Variants in WBP11 observed in about 807,000 individuals in gnomAD.
WBP11 encodes WW domain binding protein 11.
Under a neutral mutation model 66.7 loss-of-function variants are expected in WBP11, and 12 were observed. The observed-to-expected ratio is 0.18, with a 90% CI of 0.12 to 0.29. The LOEUF is 0.29. WBP11 is among the 10% of genes least tolerant of loss of function. WBP11 has a pLI of 1.00. For missense variants in WBP11, 555 were observed against 818.3 expected, an observed-to-expected ratio of 0.68 and a Z score of 3.93; for synonymous variants, 255 against 273.8, an observed-to-expected ratio of 0.93 and a Z score of 0.68.
chr12:14,789,509 C>T lies in WBP11; in HGVS notation c.1310-376G>A, dbSNP rs562278594. 3.2e-3 allele frequency among the ~76,000 whole-genome samples: 492 copies of T among 152,074 alleles called. 2 individuals carry two copies. Among genetic ancestry groups the T allele is most frequent in the Non-Finnish European group, 5.2e-3 (356 of 67,990 alleles). ...CTGAGGCAGGAGAATGGTGTGAACC[C>T]GGGAGGCGGAGCTTGTAGTGAGCTG... On this transcript the variant is annotated intron_variant, in intron 10 of 11. Coordinates refer to ENST00000261167, the MANE Select transcript of WBP11 (RefSeq NM_016312.3).
chr12:14,791,802 C>T (rs915492367), intron 8 of WBP11, among the ~76,000 whole-genome samples: 1 of 152,198 alleles, frequency 6.6e-6, no homozygotes, highest in African/African-American at 2.4e-5. Context: ...GAATACTACT[C>T]AGCCATAAAA....
At position 14,787,176 on chromosome 12, in the gene WBP11, A is replaced by G. The variant is rs770676179; in HGVS notation, c.1815T>C (p.Ala605=). 1.2e-6 allele frequency: 2 copies of G among 1,613,924 alleles called. No homozygotes were observed. Among genetic ancestry groups the G allele is most frequent in the Admixed American group, 3.3e-5 (2 of 60,028 alleles). The stretch of plus-strand genomic sequence containing the variant: ...TGGGTGCTGCTTTGGCAAGAGGCAC[A>G]GCAGAATCATCCTCTGACTTTCTTT... ...APQRKSEDDS[A]VPLAKAAPKS... is the part of the protein sequence containing the mutation. Residue 605 remains alanine, a synonymous_variant, in exon 12 of 12, where the codon GCT becomes GCC. Coordinates refer to ENST00000261167, the MANE Select transcript of WBP11 (RefSeq NM_016312.3).
At chr12:14,794,825 C>T in intron 6 of WBP11, 89 bp from the exon 7 acceptor site, 3 of 1,539,190 alleles carry the variant, frequency 1.9e-6, no homozygotes, top group Non-Finnish European at 2.6e-6. Flanking sequence ...AAACAATTTT[C>T]AAGGGATTTC....
At chr12:14,795,167 T>C (rs904687281) in intron 5 of WBP11, 63 bp from the exon 6 acceptor site, 28 of 1,465,198 alleles carry the variant, frequency 1.9e-5, no homozygotes, top group Admixed American at 2.7e-5. Flanking sequence ...ACACTAAAAA[T>C]GACAAGTCAG....
chr12:14,791,854 G>A (rs1336307202), intron 8 of WBP11, among the ~76,000 whole-genome samples: 1 of 152,190 alleles, frequency 6.6e-6, no homozygotes, highest in African/African-American at 2.4e-5. Flanking sequence ...GGATGAAGTT[G>A]GAGGCAATTA....
At position 14,785,674 on chromosome 12, in the gene WBP11, C is replaced by T. The variant is rs1285233330; in HGVS notation, c.*1391G>A. The T allele has an allele frequency of 6.6e-6, 1 of 152,064 alleles. No individual in the cohort carries two copies. The highest frequency in any genetic ancestry group is 1.5e-5 in the Non-Finnish European group (1 of 68,008). 9.4% of individuals were successfully genotyped at this position (152,064 alleles called of 1,614,324 possible). A position where few individuals can be genotyped will look rare whatever the true frequency, so the allele number is the denominator to read the frequency against. ...CAACTCAACTCTAAGAAAATAAATG[C>T]CTTATTGTATTATTGCACTACATTT... On this transcript the variant is annotated 3_prime_UTR_variant, in exon 12 of 12. Coordinates refer to ENST00000261167, the MANE Select transcript of WBP11 (RefSeq NM_016312.3).
rs757116979 is a variant in WBP11 at position 14,796,045 on chromosome 12, C to A, written c.387+762G>T. On this transcript the variant is annotated intron_variant, in intron 5 of 11. Transcript: ENST00000261167. The surrounding 1 kb of genome is among the most constrained non-coding windows in gnomAD (Gnocchi z 4.5). ...TTCCCAATCCATCTCTAATATCATC[C>A]CCCAAGGCAACCACGGCTACATTTT... is the stretch of plus-strand genomic sequence containing the variant. Among the ~76,000 whole-genome samples the A allele has an allele frequency of 2.6e-5, 4 of 152,146 alleles. No individual in the cohort carries two copies. Among genetic ancestry groups the A allele is most frequent in the Non-Finnish European group, 5.9e-5 (4 of 68,030 alleles).
chr12:14,794,467 G>A, intron 7 of WBP11, 70 bp downstream of exon 7: 1 of 1,552,466 alleles, frequency 6.4e-7, no homozygotes, highest in South Asian at 1.1e-5. Context: ...TGAGGGTGGT[G>A]AACAATATGT....
intron 1 of WBP11, 83 bp from the exon 2 acceptor site, chr12:14,801,511 A>C: frequency 2.3e-6 from 2 of 880,066 alleles, no homozygotes; most frequent in Non-Finnish European, 3.5e-6. Context: ...TCTCTGAAAA[A>C]AAATTCCTTT....
rs141284774 is a variant in WBP11, at chr12:14,787,128, G to A, written c.1863C>T (p.Val621=). 6.2e-7 allele frequency: 1 copy of A among 1,613,682 alleles called. No homozygotes were observed. Among genetic ancestry groups the A allele is most frequent in the Non-Finnish European group, 8.5e-7 (1 of 1,179,950 alleles). Residue 621 remains valine (V), a synonymous_variant, in exon 12 of 12, where the codon GTC becomes GTT. Transcript: ENST00000261167. ...AAPKSGPSVP[V]SVQTKDDVYE... The stretch of plus-strand genomic sequence containing the variant: ...AGACATCATCCTTAGTTTGTACTGA[G>A]ACAGGAACAGAAGGACCAGATTTGG...
intron 4 of WBP11, among the ~76,000 whole-genome samples, chr12:14,799,244 T>C (rs1046933126): frequency 6.6e-6 from 1 of 152,148 alleles, no homozygotes; most frequent in African/African-American, 2.4e-5. Flanking sequence ...AAATTGGAAA[T>C]TGCCTTATAT....
chr12:14,794,218 T>C (rs896199449), intron 7 of WBP11, among the ~76,000 whole-genome samples: 4 of 152,158 alleles, frequency 2.6e-5, no homozygotes, highest in Admixed American at 6.5e-5. Context: ...ACATACACAG[T>C]CAGTGAATGT....
intron 6 of WBP11, 24 bp from the exon 7 acceptor site, chr12:14,794,760 A>G (rs1949870883): frequency 6.5e-7 from 1 of 1,532,228 alleles, no homozygotes; most frequent in African/African-American, 1.4e-5. Flanking sequence ...AAACAAAAAC[A>G]AAAAAACCCC....
intron 1 of WBP11, among the ~76,000 whole-genome samples, chr12:14,802,413 G>A (rs1949976379): frequency 6.6e-6 from 1 of 152,252 alleles, no homozygotes; most frequent in South Asian, 2.1e-4. Context: ...CAACTGCCCC[G>A]AAAGCCAGAT....
In WBP11 at chr12:14,786,420, CT is replaced by C. The variant is rs1313307234; in HGVS notation, c.*644del. Reference sequence around the variant, plus strand: ...AAAGACCCAAGTTTTAAATATTTAACTTTTTCTGTCCATAAAATAGGTATTA... The same window carrying C: ...AAAGACCCAAGTTTTAAATATTTAACTTTTCTGTCCATAAAATAGGTATTA... On this transcript the variant is annotated 3_prime_UTR_variant, in exon 12 of 12. Coordinates refer to ENST00000261167, the MANE Select transcript of WBP11 (RefSeq NM_016312.3). 2.0e-5 allele frequency: 3 copies of C among 152,146 alleles called. No individual in the cohort carries two copies. The highest frequency in any genetic ancestry group is 7.2e-5 in the African/African-American group (3 of 41,430). The allele number at this position is 152,146 out of a possible 1,614,324, so 9.4% of individuals were successfully genotyped here. A position where few individuals can be genotyped will look rare whatever the true frequency, so the allele number is the denominator to read the frequency against.
At position 14,803,437 on chromosome 12, in the gene WBP11, C is replaced by T. The variant is rs1033197202; in HGVS notation, c.-131G>A. On this transcript the variant is annotated 5_prime_UTR_variant, in exon 1 of 12. Transcript: ENST00000261167. ...ACTTCGTAAAGGCCTTCAACTGGGT[C>T]TCTCGGTCAACCCCTCAGCTACCGC... The T allele has an allele frequency of 1.0e-5, 4 of 398,796 alleles. No homozygotes were observed. In the East Asian group the frequency reaches 1.1e-4, roughly 11 times the overall value. 24.7% of individuals were successfully genotyped at this position (398,796 alleles called of 1,614,324 possible).
intron 4 of WBP11, among the ~76,000 whole-genome samples, chr12:14,799,060 CAAAGCAGCGATACTT>C (rs1275749282): frequency 6.6e-6 from 1 of 152,042 alleles, no homozygotes; most frequent in Non-Finnish European, 1.5e-5. Flanking sequence ...CCAGTTATAA[CAAAGCAGCGATACTT>C]AAAATGCATA....
chr12:14,787,454 G>C lies in WBP11; in HGVS notation c.1537C>G (p.Pro513Ala). ...CCAGGGGGGGCAGGTCCAAGGGGAG[G>C]CACCAAAGGTGGGCGCATCATGCCA... is the stretch of plus-strand genomic sequence containing the variant. The part of the protein sequence containing the change: ...RPGMMRPPLV[P>A]PLGPAPPGLF... The change falls in exon 12 of 12, where the codon CCT becomes GCT. Residue 513 changes from proline (P) to alanine (A), a missense_variant. This residue lies in a region of WBP11 where 230 missense variants were observed against 286.3 expected (regional missense o/e 0.80). Coordinates refer to ENST00000261167, the MANE Select transcript of WBP11 (RefSeq NM_016312.3). 1 of 1,525,192 alleles carries C rather than the reference G, an allele frequency of 6.6e-7. No homozygotes were observed. The highest frequency in any genetic ancestry group is 8.8e-7 in the Non-Finnish European group (1 of 1,136,140). The allele number at this position is 1,525,192 out of a possible 1,614,324, so 94.5% of individuals were successfully genotyped here.
At position 14,790,683 on chromosome 12, in the gene WBP11, G is replaced by A. The variant is rs755926612; in HGVS notation, c.1082C>T (p.Ser361Phe). ...TTGCTTTTCTGCTTCAGAGTCATCA[G>A]AATCATCTTCATCATCGTCCTCTGA... ...EFSEDDDEDD[S>F]DDSEAEKQSQ... is the part of the protein sequence containing the mutation. Residue 361 changes from serine to phenylalanine, a missense_variant, in exon 10 of 12, where the codon TCT becomes TTT. Physicochemically the swap from Ser to Phe is radical, Grantham distance 155 (BLOSUM62 -2). Coordinates refer to ENST00000261167, the MANE Select transcript of WBP11 (RefSeq NM_016312.3). The A allele has an allele frequency of 1.2e-6, 2 of 1,614,192 alleles. No individual in the cohort carries two copies. Among genetic ancestry groups the A allele is most frequent in the Non-Finnish European group, 1.7e-6 (2 of 1,180,032 alleles).
Sources: allele counts gnomAD v4.1 joint callset (sites outside exome capture counted in the v4.1 genomes callset), GRCh38; gene constraint gnomAD v4.1.1; regional missense constraint gnomAD v4.1.1; non-coding constraint Gnocchi (gnomAD v3.1); transcripts MANE v1.5; gene names NCBI Gene and HGNC (gene_info 2026-07-23, HGNC 2026-07-21).